Variants in B3GALT1 observed in about 807,000 individuals in gnomAD.
B3GALT1 encodes beta-1,3-galactosyltransferase 1, also known as UDP-Gal:betaGlcNAc beta 1,3-galactosyltransferase, polypeptide 1.
Under a neutral mutation model 23.2 loss-of-function variants are expected in B3GALT1, and 10 were observed. The ratio of observed to expected loss-of-function variants is 0.43; its 90% CI spans 0.27 to 0.73. The LOEUF (loss-of-function observed/expected upper bound fraction) is 0.73, where lower values mean the gene tolerates loss of function less well. B3GALT1 is among the 30% of genes least tolerant of loss of function. The pLI, the probability that B3GALT1 is intolerant of heterozygous loss-of-function variation, is 0.21. For synonymous variants in B3GALT1, 156 were observed against 141.5 expected (o/e 1.10, Z -0.73); for missense variants, 299 against 405.4 (o/e 0.74, Z 2.25).
chr2:167,592,405 G>A (rs928178518), intron 2 of B3GALT1, among the ~76,000 whole-genome samples: 1 of 152,124 alleles, frequency 6.6e-6, no homozygotes, highest in African/African-American at 2.4e-5. Context: ...TAGGAGGGAG[G>A]TGCTGCATGT....
intron 1 of B3GALT1, among the ~76,000 whole-genome samples, chr2:167,391,869 C>T (rs1441419420): frequency 6.6e-6 from 1 of 152,164 alleles, no homozygotes; most frequent in East Asian, 1.9e-4. Context: ...TAAAGACCCT[C>T]AATTAATACC....
chr2:167,494,249 A>G (rs1292586312), intron 2 of B3GALT1, among the ~76,000 whole-genome samples: 1 of 152,106 alleles, frequency 6.6e-6, no homozygotes, highest in Non-Finnish European at 1.5e-5. Flanking sequence ...TTTAATAAAT[A>G]GATCAAATGC....
chr2:167,838,934 T>C (rs1689560197), intron 4 of B3GALT1, among the ~76,000 whole-genome samples: 2 of 152,196 alleles, frequency 1.3e-5, no homozygotes, highest in Admixed American at 1.3e-4. Flanking sequence ...AACCACGTGA[T>C]TATCTCAATA....
At chr2:167,574,218 A>C (rs1684346033) in intron 2 of B3GALT1, among the ~76,000 whole-genome samples, 1 of 151,732 alleles carries the variant, frequency 6.6e-6, no homozygotes, top group Admixed American at 6.6e-5. Flanking sequence ...TTGCATTCAA[A>C]TGATACCTTC....
At chr2:167,660,213 C>A (rs905631735) in intron 3 of B3GALT1, among the ~76,000 whole-genome samples, 5 of 152,020 alleles carry the variant, frequency 3.3e-5, no homozygotes. Flanking sequence ...CTCTTTCTAA[C>A]TAAAAAATGC....
chr2:167,595,987 C>T (rs1444594717), intron 2 of B3GALT1, among the ~76,000 whole-genome samples: 1 of 152,164 alleles, frequency 6.6e-6, no homozygotes, highest in Non-Finnish European at 1.5e-5. Context: ...TCCTAGGAGC[C>T]TTCCTAGAAG....
chr2:167,817,123 G>A (rs766797371), intron 3 of B3GALT1, among the ~76,000 whole-genome samples: 13 of 152,178 alleles, frequency 8.5e-5, no homozygotes, highest in Non-Finnish European at 5.9e-5. Flanking sequence ...GGAGAGGTAG[G>A]TTAAGCAGCT....
At chr2:167,590,595 A>G (rs1684663375) in intron 2 of B3GALT1, among the ~76,000 whole-genome samples, 1 of 152,208 alleles carries the variant, frequency 6.6e-6, no homozygotes, top group Non-Finnish European at 1.5e-5. Flanking sequence ...GAGAGTCTCA[A>G]AGGAATTCAT....
At chr2:167,843,211 A>C (rs1689684793) in intron 4 of B3GALT1, among the ~76,000 whole-genome samples, 1 of 152,242 alleles carries the variant, frequency 6.6e-6, no homozygotes, top group Admixed American at 6.5e-5. Flanking sequence ...TTTGACACTT[A>C]GAGAAAGCTG....
intron 1 of B3GALT1, among the ~76,000 whole-genome samples, chr2:167,311,022 A>C (rs562859170): frequency 4.4e-4 from 67 of 152,266 alleles, no homozygotes; most frequent in South Asian, 1.4e-3. Flanking sequence ...CAACTTATCA[A>C]TAATTAGGAC....
intron 1 of B3GALT1, among the ~76,000 whole-genome samples, chr2:167,320,324 G>A (rs1002448116): frequency 4.0e-5 from 6 of 151,654 alleles, no homozygotes; most frequent in African/African-American, 1.5e-4. Context: ...TGAGTAGCTG[G>A]GACCACAGGA....
At chr2:167,430,243 A>G (rs1361784748) in intron 1 of B3GALT1, among the ~76,000 whole-genome samples, 1 of 152,166 alleles carries the variant, frequency 6.6e-6, no homozygotes, top group Non-Finnish European at 1.5e-5. Context: ...TGATTGTCTA[A>G]GGAACCATGC....
rs1487166156 is a variant in B3GALT1 at position 167,873,659 on chromosome 2, G to A, written c.*3639G>A. ...GAAAGAAGTAATTTACTAGAACAACGCTTGTTGATGATAATTGACATTTAG... is the reference window on the plus strand; with the variant it reads ...GAAAGAAGTAATTTACTAGAACAACACTTGTTGATGATAATTGACATTTAG... On this transcript the variant is annotated 3_prime_UTR_variant, in exon 5 of 5. Transcript: ENST00000392690. The A allele has an allele frequency of 6.6e-6, 1 of 152,128 alleles. No individual in the cohort carries two copies. Among genetic ancestry groups the A allele is most frequent in the Admixed American group, 6.6e-5 (1 of 15,262 alleles). The allele number at this position is 152,128 out of a possible 1,614,324, so 9.4% of individuals were successfully genotyped here.
At chr2:167,491,042 G>A (rs2105342048) in intron 2 of B3GALT1, among the ~76,000 whole-genome samples, 1 of 152,236 alleles carries the variant, frequency 6.6e-6, no homozygotes, top group South Asian at 2.1e-4. Context: ...TTAGGGTTCT[G>A]GAGAAATTTA....
intron 3 of B3GALT1, among the ~76,000 whole-genome samples, chr2:167,803,557 A>T (rs1688684744): frequency 6.6e-6 from 1 of 152,162 alleles, no homozygotes; most frequent in African/African-American, 2.4e-5. Flanking sequence ...GCAGTCTTCC[A>T]GGTAAGGAAG....
At chr2:167,646,300 G>A (rs1400376718) in intron 2 of B3GALT1, among the ~76,000 whole-genome samples, 1 of 152,136 alleles carries the variant, frequency 6.6e-6, no homozygotes, top group Non-Finnish European at 1.5e-5. Context: ...AGCCTTCCAG[G>A]TCACTCATGG....
In B3GALT1 at chr2:167,713,652, T is replaced by A. The variant is rs569928269; in HGVS notation, c.-352+66686T>A. ...GTTGCTTTTGAAGAAAGCAAAAATATTGTCAGATTTCTTGCTGTGGTTCTG... is the reference window on the plus strand; with the variant it reads ...GTTGCTTTTGAAGAAAGCAAAAATAATGTCAGATTTCTTGCTGTGGTTCTG... On this transcript the variant is annotated intron_variant, in intron 3 of 4. Transcript: ENST00000392690. 3.0e-6 allele frequency: 4 copies of A among 1,335,968 alleles called. No individual in the cohort carries two copies. In the South Asian group the frequency reaches 5.3e-5, roughly 18 times the overall value. The allele number at this position is 1,335,968 out of a possible 1,614,324, so 82.8% of individuals were successfully genotyped here.
chr2:167,787,155 C>T (rs1351785410), intron 3 of B3GALT1, among the ~76,000 whole-genome samples: 2 of 152,170 alleles, frequency 1.3e-5, no homozygotes, highest in Non-Finnish European at 1.5e-5. Context: ...AGGAAAAACA[C>T]AGACTTTGGA....
chr2:167,330,310 T>G (rs747509593), intron 1 of B3GALT1, among the ~76,000 whole-genome samples: 36 of 152,150 alleles, frequency 2.4e-4, no homozygotes, highest in Non-Finnish European at 4.4e-4. Context: ...GTTGAAGCTT[T>G]CAAATGTATC....
Sources: allele counts gnomAD v4.1 joint callset (sites outside exome capture counted in the v4.1 genomes callset), GRCh38; gene constraint gnomAD v4.1.1; transcripts MANE v1.5; gene names NCBI Gene and HGNC (gene_info 2026-07-23, HGNC 2026-07-21).